Variants in PPARG observed in about 807,000 individuals in gnomAD.
The protein encoded by PPARG is peroxisome proliferator activated receptor gamma.
A neutral mutation model predicts 39.2 loss-of-function variants in PPARG; 17 were observed. That is an observed-to-expected ratio of 0.43 (90% confidence interval 0.30 to 0.65). The LOEUF is 0.65. PPARG is among the 30% of genes least tolerant of loss of function. The pLI is 0.13. For synonymous variants in PPARG, 223 were observed against 215.7 expected (o/e 1.03, Z -0.30); for missense variants, 406 against 585.9 (o/e 0.69, Z 3.17).
chr3:12,323,134 T>G (rs2047593717), intron 2 of PPARG, among the ~76,000 whole-genome samples: 1 of 152,092 alleles, frequency 6.6e-6, no homozygotes, highest in Non-Finnish European at 1.5e-5. Context: ...GCTTATATGA[T>G]TTGATGACTG....
At chr3:12,409,470 A>G (rs1575130859) in intron 6 of PPARG, among the ~76,000 whole-genome samples, 1 of 152,126 alleles carries the variant, frequency 6.6e-6, no homozygotes, top group Non-Finnish European at 1.5e-5. Flanking sequence ...TTTGTTCTTT[A>G]TCTACATGGT....
intron 2 of PPARG, among the ~76,000 whole-genome samples, chr3:12,326,939 C>A (rs1315083549): frequency 6.6e-6 from 1 of 152,130 alleles, no homozygotes; most frequent in African/African-American, 2.4e-5. Context: ...GATAGCCATC[C>A]TATGAGAATG....
At position 12,371,763 on chromosome 3, in the gene PPARG, G is replaced by A. The variant is rs536645342; in HGVS notation, c.-8-7941G>A. On this transcript the variant is annotated intron_variant, in intron 2 of 7. Coordinates refer to ENST00000651735, the MANE Select transcript of PPARG (RefSeq NM_138711.6). ...CGTCCAGTCAGCCTCTAGCTCACCA[G>A]GAAACCCTGAGCAGGTCACTTTGCC... 1.4e-5 allele frequency: 8 copies of A among 553,798 alleles called. No homozygotes were observed. The East Asian group carries it at 3.4e-4, about 23-fold the overall frequency. 34.3% of individuals were successfully genotyped at this position (553,798 alleles called of 1,614,324 possible).
chr3:12,340,197 G>T (rs2048143215), intron 2 of PPARG, among the ~76,000 whole-genome samples: 1 of 152,198 alleles, frequency 6.6e-6, no homozygotes, highest in Non-Finnish European at 1.5e-5. Context: ...GGAAGGAGTT[G>T]TGCTCTTTGG....
Position 12,317,428 on chromosome 3 carries a change from G to A in PPARG, c.-9+4975G>A, listed in dbSNP as rs76402961. Among the ~76,000 whole-genome samples, 169 of 152,066 alleles carry A rather than the reference G, an allele frequency of 1.1e-3. 1 individual carries two copies. Among genetic ancestry groups the A allele is most frequent in the African/African-American group, 4.0e-3 (165 of 41,444 alleles). ...CACATGTGTATGCTTTTTATTTACT[G>A]ACAGTTACCGTATATACATCACTTG... On this transcript the variant is annotated intron_variant, in intron 2 of 7. Coordinates refer to ENST00000651735, the MANE Select transcript of PPARG (RefSeq NM_138711.6).
chr3:12,294,947 G>C (rs939288431), intron 1 of PPARG, among the ~76,000 whole-genome samples: 1 of 152,138 alleles, frequency 6.6e-6, no homozygotes, highest in East Asian at 1.9e-4. Context: ...GCTGAAAATA[G>C]TATGGCAAGC....
intron 2 of PPARG, among the ~76,000 whole-genome samples, chr3:12,318,064 C>A (rs913846396): frequency 4.6e-5 from 7 of 151,860 alleles, no homozygotes; most frequent in African/African-American, 1.7e-4. Context: ...ACTTCAAATT[C>A]CTGGACTCAA....
At chr3:12,393,040 G>C (rs1345623975) in intron 5 of PPARG, among the ~76,000 whole-genome samples, 2 of 152,172 alleles carry the variant, frequency 1.3e-5, no homozygotes, top group South Asian at 2.1e-4. Flanking sequence ...TGATCATCAT[G>C]ATTAATTTTT....
intron 2 of PPARG, among the ~76,000 whole-genome samples, chr3:12,330,302 T>TAAAA (rs67976990): frequency 1.4e-3 from 169 of 121,040 alleles, no homozygotes; most frequent in South Asian, 2.9e-3. Context: ...CACCTTTTTT[T>TAAAA]AAAAAAAAAA....
At chr3:12,377,901 T>C (rs988726861) in intron 2 of PPARG, among the ~76,000 whole-genome samples, 1 of 152,174 alleles carries the variant, frequency 6.6e-6, no homozygotes, top group Non-Finnish European at 1.5e-5. Flanking sequence ...TTCCAAAATA[T>C]GTAAGAAACT....
chr3:12,409,100 A>G (rs922088206), intron 6 of PPARG, among the ~76,000 whole-genome samples: 1 of 152,228 alleles, frequency 6.6e-6, no homozygotes, highest in East Asian at 1.9e-4. Flanking sequence ...TCCAGTAACT[A>G]GGACTGTGTC....
chr3:12,319,031 C>G (rs2047467446), intron 2 of PPARG, among the ~76,000 whole-genome samples: 1 of 152,150 alleles, frequency 6.6e-6, no homozygotes, highest in African/African-American at 2.4e-5. Flanking sequence ...AGTCATAAGA[C>G]TTGGTGGCTG....
At chr3:12,351,605 C>G (rs928058229) in intron 2 of PPARG, 3 of 1,607,774 alleles carry the variant, frequency 1.9e-6, no homozygotes, top group South Asian at 2.2e-5. Flanking sequence ...GGGTGAAACT[C>G]TGGGAGATTC....
At chr3:12,325,770 A>G (rs946052984) in intron 2 of PPARG, among the ~76,000 whole-genome samples, 5 of 151,888 alleles carry the variant, frequency 3.3e-5, no homozygotes, top group Non-Finnish European at 5.9e-5. Flanking sequence ...TATCACTTAA[A>G]TTGGTTTTTC....
At position 12,398,856 on chromosome 3, in the gene PPARG, A is replaced by G. The variant is rs565856816; in HGVS notation, c.529+6104A>G. Among the ~76,000 whole-genome samples the G allele has an allele frequency of 5.3e-5, 8 of 152,358 alleles. No individual in the cohort carries two copies. In the South Asian group the frequency reaches 1.0e-3, roughly 20 times the overall value. On this transcript the variant is annotated intron_variant, in intron 5 of 7. Transcript: ENST00000651735. ...GTTTTGGTAAATCCCAGTGAGCGCA[A>G]AGCTAGACTGCAGTAGATCGAGAAG... is the stretch of plus-strand genomic sequence containing the variant.
At chr3:12,359,674 C>CTTTTTTTTTTTTT (rs71628752) in intron 2 of PPARG, among the ~76,000 whole-genome samples, 7 of 129,850 alleles carry the variant, frequency 5.4e-5, no homozygotes, top group African/African-American at 1.4e-4. Context: ...TCTTTTATTT[C>CTTTTTTTTTTTTT]TTTTTTTTTT....
At chr3:12,394,449 T>C (rs1041696940) in intron 5 of PPARG, among the ~76,000 whole-genome samples, 2 of 152,226 alleles carry the variant, frequency 1.3e-5, no homozygotes, top group African/African-American at 4.8e-5. Context: ...ATGGATGGTA[T>C]AATTTTCTCC....
At chr3:12,408,386 G>A (rs550329773) in intron 6 of PPARG, among the ~76,000 whole-genome samples, 2 of 152,146 alleles carry the variant, frequency 1.3e-5, no homozygotes, top group South Asian at 2.1e-4. Context: ...AAGCTCATTC[G>A]TTCAATGATA....
chr3:12,321,398 T>C (rs751443283), intron 2 of PPARG, among the ~76,000 whole-genome samples: 13 of 152,298 alleles, frequency 8.5e-5, no homozygotes, highest in Non-Finnish European at 1.3e-4. Flanking sequence ...CTAAGAATAA[T>C]TCATTTTTTT....
Sources: gnomAD v4.1 joint callset for allele counts (sites outside exome capture counted in the v4.1 genomes callset) on GRCh38, gnomAD v4.1.1 for gene constraint, MANE v1.5 for transcripts, NCBI Gene and HGNC (gene_info 2026-07-23, HGNC 2026-07-21) for gene names.